DNAH12: variants seen among roughly 807,000 people sequenced by gnomAD.
The protein encoded by DNAH12 is axonemal beta dynein heavy chain 12.
In DNAH12, 285 loss-of-function variants were observed where a neutral mutation model predicts 371.5. The observed-to-expected ratio is 0.77, with a 90% CI of 0.70 to 0.85. The LOEUF is 0.85. Ranked by LOEUF, DNAH12 falls within the 40% of genes least tolerant of loss-of-function variation. The pLI is 0.00. For synonymous variants in DNAH12, 1,200 were observed against 1,213.0 expected (o/e 0.99, Z 0.22); for missense variants, 3,611 against 3,689.4 (o/e 0.98, Z 0.55).
At chr3:57,414,784 A>G (rs1194556320) in intron 38 of DNAH12, among the ~76,000 whole-genome samples, 1 of 152,234 alleles carries the variant, frequency 6.6e-6, no homozygotes, top group African/African-American at 2.4e-5. Flanking sequence ...CTCCACAGTA[A>G]AGGAGTTCTA....
intron 4 of DNAH12, among the ~76,000 whole-genome samples, chr3:57,514,655 A>G (rs2153395383): frequency 1.3e-5 from 2 of 152,226 alleles, no homozygotes; most frequent in Middle Eastern, 3.4e-3. Context: ...CTGATTTTAA[A>G]CCTTGCTGTT....
At chr3:57,320,259 T>C (rs182075240) in intron 65 of DNAH12, among the ~76,000 whole-genome samples, 35 of 152,324 alleles carry the variant, frequency 2.3e-4, no homozygotes, top group Non-Finnish European at 4.6e-4. Context: ...TACATGTTTT[T>C]ATATATGTTC....
At chr3:57,507,499 C>G in intron 8 of DNAH12, 144 bp downstream of exon 8, 1 of 627,646 alleles carries the variant, frequency 1.6e-6, no homozygotes, top group Non-Finnish European at 2.4e-6. Context: ...CAATATTTTT[C>G]TGCTAAAATT....
intron 58 of DNAH12, among the ~76,000 whole-genome samples, chr3:57,357,830 GCA>G (rs1215733071): frequency 1.1e-4 from 16 of 152,144 alleles, no homozygotes. Flanking sequence ...CTGGAACCCA[GCA>G]CAGTCTGGCA....
chr3:57,294,245 C>T (rs1324796825), intron 73 of DNAH12, among the ~76,000 whole-genome samples: 2 of 147,756 alleles, frequency 1.4e-5, no homozygotes, highest in African/African-American at 2.5e-5. Flanking sequence ...GGCACAATCT[C>T]GGCTCACTGC....
At chr3:57,519,636 G>T in intron 4 of DNAH12, 2 of 1,264,684 alleles carry the variant, frequency 1.6e-6, no homozygotes, top group South Asian at 1.2e-5. Context: ...CCAAGGCTCT[G>T]AACAACTGCA....
intron 49 of DNAH12, among the ~76,000 whole-genome samples, chr3:57,383,662 G>A (rs2063442359): frequency 9.8e-6 from 1 of 102,058 alleles, no homozygotes; most frequent in African/African-American, 3.8e-5. Context: ...TGGGGTGGGG[G>A]GCGGGGGGGA....
In DNAH12 at chr3:57,403,298, C is replaced by G; in HGVS notation, c.6948+11G>C. The G allele has an allele frequency of 6.5e-7, 1 of 1,531,912 alleles. No homozygotes were observed. Among genetic ancestry groups the G allele is most frequent in the Non-Finnish European group, 8.8e-7 (1 of 1,139,946 alleles). 94.9% of individuals were successfully genotyped at this position (1,531,912 alleles called of 1,614,324 possible). On this transcript the variant is annotated intron_variant, in intron 43 of 73. Transcript: ENST00000495027. The stretch of plus-strand genomic sequence containing the variant: ...TTTCATTTTAGATACTAGGCTTCTT[C>G]ATAATTTTACCTTCATATCCTCTCT...
At chr3:57,488,351 C>T (rs1047359362) in intron 12 of DNAH12, among the ~76,000 whole-genome samples, 3 of 152,092 alleles carry the variant, frequency 2.0e-5, no homozygotes, top group African/African-American at 4.8e-5. Flanking sequence ...TGCCACCACA[C>T]CCAGCTAATT....
chr3:57,379,840 C>A (rs2063350392), intron 51 of DNAH12, among the ~76,000 whole-genome samples: 1 of 54,886 alleles, frequency 1.8e-5, no homozygotes, highest in Non-Finnish European at 3.0e-5. Flanking sequence ...GACTCTGTCT[C>A]CCAAAAAAAA....
intron 11 of DNAH12, among the ~76,000 whole-genome samples, chr3:57,498,994 G>A (rs969690182): frequency 3.3e-5 from 4 of 122,524 alleles, no homozygotes; most frequent in African/African-American, 9.3e-5. Context: ...GCAAGACTCC[G>A]TCTCAAAAAC....
At chr3:57,461,096 T>C (rs1280628927) in intron 19 of DNAH12, among the ~76,000 whole-genome samples, 1 of 152,162 alleles carries the variant, frequency 6.6e-6, no homozygotes, top group Non-Finnish European at 1.5e-5. Context: ...TTAATTACTC[T>C]AAAAGATCCT....
Position 57,452,952 on chromosome 3 carries a change from T to G in DNAH12, c.3677A>C (p.Asn1226Thr). Residue 1226 changes from asparagine (N) to threonine (T), a missense_variant, in exon 25 of 74, where the codon AAT (asparagine) becomes ACT (threonine). Asn to Thr is a moderately conservative substitution (Grantham distance 65). This residue lies in a region of DNAH12 where 31 missense variants were observed against 53.8 expected (regional missense o/e 0.58). Transcript: ENST00000495027. ...AQLRYYWENE[N>T]ARVRIINCNV... is the part of the protein sequence containing the mutation. The stretch of plus-strand genomic sequence containing the variant: ...GCAATTAATGATACGAACTCGGGCA[T>G]TCTCATTTTCCCAATAATATCGGAG... The G allele has an allele frequency of 6.4e-7, 1 of 1,551,336 alleles. No individual in the cohort carries two copies. The highest frequency in any genetic ancestry group is 1.4e-5 in the African/African-American group (1 of 73,180).
intron 6 of DNAH12, 137 bp from the exon 7 acceptor site, chr3:57,508,677 G>A: frequency 1.1e-6 from 1 of 906,382 alleles, no homozygotes; most frequent in Non-Finnish European, 1.6e-6. Flanking sequence ...GTCAGCAATG[G>A]GAACCTTAAG....
chr3:57,491,790 T>G (rs1044355053), intron 11 of DNAH12, among the ~76,000 whole-genome samples: 1 of 151,910 alleles, frequency 6.6e-6, no homozygotes. Flanking sequence ...AAATAATAAT[T>G]TTTTTAAAAT....
intron 47 of DNAH12, among the ~76,000 whole-genome samples, chr3:57,385,698 A>G (rs1424449702): frequency 2.6e-5 from 4 of 152,194 alleles, no homozygotes; most frequent in African/African-American, 9.6e-5. Context: ...CCTGGGGAAC[A>G]TGGTGAAATC....
At chr3:57,364,055 G>A (rs889457706) in intron 57 of DNAH12, among the ~76,000 whole-genome samples, 2 of 152,142 alleles carry the variant, frequency 1.3e-5, no homozygotes, top group African/African-American at 4.8e-5. Flanking sequence ...GTATGCAAGA[G>A]TAAGAACTGG....
Position 57,445,232 on chromosome 3 carries a change from A to G in DNAH12, c.4367T>C (p.Val1456Ala), listed in dbSNP as rs1217372025. Residue 1456 changes from valine to alanine, a missense_variant, in exon 28 of 74, where the codon GTT becomes GCT. Physicochemically the swap from Val to Ala is moderately conservative, Grantham distance 64 (BLOSUM62 0). Coordinates refer to ENST00000495027, the MANE Select transcript of DNAH12 (RefSeq NM_001366028.2). ...TTTTAGATTGCCAGCAGCCACTAAA[A>G]CGGCTTTTACTGCTCGCATTCCATA... Reference protein sequence around the residue: ...YDYGMRAVKAVLVAAGNLKLK... With the variant: ...YDYGMRAVKAALVAAGNLKLK... 1 of 1,550,542 alleles carries G rather than the reference A, an allele frequency of 6.4e-7. No individual in the cohort carries two copies. Among genetic ancestry groups the G allele is most frequent in the Non-Finnish European group, 8.7e-7 (1 of 1,146,368 alleles).
At chr3:57,341,184 C>A (rs2062387971) in intron 60 of DNAH12, among the ~76,000 whole-genome samples, 1 of 151,962 alleles carries the variant, frequency 6.6e-6, no homozygotes, top group East Asian at 1.9e-4. Context: ...TGAACTGGAA[C>A]AAGACAAGGA....
Sources: allele counts gnomAD v4.1 joint callset (sites outside exome capture counted in the v4.1 genomes callset), GRCh38; gene constraint gnomAD v4.1.1; regional missense constraint gnomAD v4.1.1; transcripts MANE v1.5; gene names NCBI Gene and HGNC (gene_info 2026-07-23, HGNC 2026-07-21).